TET3: variants seen among roughly 807,000 people sequenced by gnomAD.
TET3 encodes the protein tet methylcytosine dioxygenase 3.
TET3 carries 19 observed loss-of-function variants against 141.4 expected under a neutral mutation model. The ratio of observed to expected loss-of-function variants is 0.13; its 90% confidence interval spans 0.09 to 0.20. The LOEUF is 0.20. Among genes scored for constraint, TET3 ranks in the 10% least tolerant of loss-of-function variants. TET3 has a pLI of 1.00. For synonymous variants in TET3, 1,043 were observed against 980.9 expected (o/e 1.06, Z -1.18); for missense variants, 1,874 against 2,356.9 (o/e 0.80, Z 4.24).
In TET3 at chr2:74,046,346, T is replaced by TG; in HGVS notation, c.433dup (p.Asp145GlyfsTer16). ...AGATGGACTCAGGGCCAGTGTACCATGGGGACTCACGGCAGCTAAGCGCCT... is the reference window on the plus strand; with the variant it reads ...AGATGGACTCAGGGCCAGTGTACCATGGGGGACTCACGGCAGCTAAGCGCCT... On this transcript the variant is annotated frameshift_variant, in exon 4 of 12. Coordinates refer to ENST00000409262, the MANE Select transcript of TET3 (RefSeq NM_001287491.2). LOFTEE classifies it high-confidence loss of function. The surrounding 1 kb of genome is among the most constrained non-coding windows in gnomAD (Gnocchi z 4.3). 6 of 1,527,472 alleles carry TG rather than the reference T, an allele frequency of 3.9e-6. No individual in the cohort carries two copies. The highest frequency in any genetic ancestry group is 5.3e-6 in the Non-Finnish European group (6 of 1,141,052). 94.6% of individuals were successfully genotyped at this position (1,527,472 alleles called of 1,614,324 possible).
chr2:74,034,288 G>A (rs1157833041), intron 3 of TET3, among the ~76,000 whole-genome samples: 1 of 150,278 alleles, frequency 6.7e-6, no homozygotes, highest in South Asian at 2.1e-4. Flanking sequence ...CTTGACCCTA[G>A]TATTTTATAT....
Position 74,101,494 on chromosome 2 carries a change from C to T in TET3, c.4706C>T (p.Ala1569Val). The T allele has an allele frequency of 1.2e-6, 2 of 1,613,128 alleles. No homozygotes were observed. The highest frequency in any genetic ancestry group is 2.2e-5 in the East Asian group (1 of 44,838). Residue 1569 changes from alanine to valine, a missense_variant, in exon 12 of 12, where the codon GCC (alanine) becomes GTC (valine). By Grantham distance (64) the Ala-to-Val change is moderately conservative (BLOSUM62 0). Transcript: ENST00000409262. The surrounding 1 kb of genome is among the most constrained non-coding windows in gnomAD (Gnocchi z 8.5). ...AAAGGAGAGGAGGGCAGGATTCCAG[C>T]CGCAGGGGCCAGCCAGCTGGACAGG... is the stretch of plus-strand genomic sequence containing the variant. ...PMKGEEGRIP[A>V]AGASQLDRAW...
At chr2:74,058,396 A>G (rs1460936945) in intron 4 of TET3, among the ~76,000 whole-genome samples, 1 of 152,198 alleles carries the variant, frequency 6.6e-6, no homozygotes, top group East Asian at 1.9e-4. Flanking sequence ...CAAAGGTGGA[A>G]TAGAAAACAT....
intron 4 of TET3, among the ~76,000 whole-genome samples, chr2:74,059,032 A>C (rs1287133971): frequency 6.6e-6 from 1 of 152,226 alleles, no homozygotes; most frequent in East Asian, 1.9e-4. Flanking sequence ...GCAGAGCCTA[A>C]GATGTGTGCT....
intron 3 of TET3, among the ~76,000 whole-genome samples, chr2:74,024,835 T>C (rs1183517442): frequency 6.6e-6 from 1 of 152,208 alleles, no homozygotes; most frequent in African/African-American, 2.4e-5. Flanking sequence ...GTACAAAGAA[T>C]TCTCTTCACT....
At position 74,107,141 on chromosome 2, in the gene TET3, G is replaced by A; in HGVS notation, c.*4965G>A. On this transcript the variant is annotated 3_prime_UTR_variant, in exon 12 of 12. Transcript: ENST00000409262. ...GCATACCCCCAACATAAGTTACACA[G>A]TCCCACATCCAGGTGCACAGAGTGC... The A allele has an allele frequency of 6.6e-6, 1 of 152,278 alleles. No homozygotes were observed. The highest frequency in any genetic ancestry group is 2.4e-5 in the African/African-American group (1 of 41,456). 9.4% of individuals were successfully genotyped at this position (152,278 alleles called of 1,614,324 possible).
At chr2:74,068,248 T>C (rs1179690293) in intron 4 of TET3, among the ~76,000 whole-genome samples, 1 of 152,136 alleles carries the variant, frequency 6.6e-6, no homozygotes, top group East Asian at 1.9e-4. Flanking sequence ...TTGCTTTTAC[T>C]CTGCTATTCT....
chr2:74,119,017 T>G, the TET3 span, among the ~76,000 whole-genome samples: 1 of 152,226 alleles, frequency 6.6e-6, no homozygotes, highest in African/African-American at 2.4e-5. Flanking sequence ...TTGACCCTTC[T>G]TTGATCTGCA....
intron 4 of TET3, among the ~76,000 whole-genome samples, chr2:74,056,517 C>A (rs1688221955): frequency 6.6e-6 from 1 of 151,934 alleles, no homozygotes; most frequent in Non-Finnish European, 1.5e-5. Flanking sequence ...CTAGAGCTTT[C>A]TACCATGTAT....
chr2:73,994,645 T>C (rs1250115630), intron 2 of TET3, among the ~76,000 whole-genome samples: 2 of 147,448 alleles, frequency 1.4e-5, no homozygotes, highest in Non-Finnish European at 3.0e-5. Context: ...TTTCTTTTTT[T>C]TTTTTTTTTT....
At chr2:73,985,411 C>T (rs1378181202) in intron 1 of TET3, among the ~76,000 whole-genome samples, 1 of 144,088 alleles carries the variant, frequency 6.9e-6, no homozygotes, top group East Asian at 2.1e-4. Flanking sequence ...GCCCGAGCGG[C>T]GGCGCGCGCG....
rs1412469801 is a variant in TET3 at position 74,107,513 on chromosome 2, G to C, written c.*5337G>C. The C allele has an allele frequency of 6.6e-6, 1 of 152,024 alleles. No homozygotes were observed. Among genetic ancestry groups the C allele is most frequent in the Non-Finnish European group, 1.5e-5 (1 of 67,982 alleles). 9.4% of individuals were successfully genotyped at this position (152,024 alleles called of 1,614,324 possible). ...TCATGTGAACATTCCAAATTTTCTT[G>C]GTTTCAATACCCTTTTTTTTCTTTT... On this transcript the variant is annotated 3_prime_UTR_variant, in exon 12 of 12. Coordinates refer to ENST00000409262, the MANE Select transcript of TET3 (RefSeq NM_001287491.2).
rs1691226849 is a variant in TET3 at position 74,101,678 on chromosome 2, T to C, written c.4890T>C (p.Gly1630=). ...GAVKEEKGGG[G]AEEEEEELWS... The stretch of plus-strand genomic sequence containing the variant: ...TGAAGGAGGAGAAGGGCGGTGGTGG[T>C]GCGGAGGAGGAAGAGGAGGAGCTGT... Residue 1630 remains glycine (G), a synonymous_variant, in exon 12 of 12, where the codon GGT becomes GGC. Coordinates refer to ENST00000409262, the MANE Select transcript of TET3 (RefSeq NM_001287491.2). This position sits in a 1 kb window ranked among gnomAD's most constrained non-coding sequence, Gnocchi z 8.5. 1 of 1,613,158 alleles carries C rather than the reference T, an allele frequency of 6.2e-7. No individual in the cohort carries two copies. Among genetic ancestry groups the C allele is most frequent in the African/African-American group, 1.3e-5 (1 of 74,782 alleles).
At chr2:74,053,517 T>C (rs1269478307) in intron 4 of TET3, among the ~76,000 whole-genome samples, 1 of 152,342 alleles carries the variant, frequency 6.6e-6, no homozygotes, top group Non-Finnish European at 1.5e-5. Flanking sequence ...AACAGGAAGC[T>C]GCAGAGACTA....
rs143707007 is a variant in TET3, at chr2:74,018,201, A to C, written c.360+15035A>C. On this transcript the variant is annotated intron_variant, in intron 3 of 11. Transcript: ENST00000409262. Reference sequence around the variant, plus strand: ...AGGCTGTTTTCGAACTCGCGCCCTCAAGTGATCGGCCTGCCTTGGCCTCCC... The same window carrying C: ...AGGCTGTTTTCGAACTCGCGCCCTCCAGTGATCGGCCTGCCTTGGCCTCCC... 2.9e-3 allele frequency among the ~76,000 whole-genome samples: 436 copies of C among 152,168 alleles called. 2 individuals carry two copies. Among genetic ancestry groups the C allele is most frequent in the African/African-American group, 0.01 (416 of 41,526 alleles).
the TET3 span, among the ~76,000 whole-genome samples, chr2:74,120,014 A>G: frequency 6.6e-6 from 1 of 152,100 alleles, no homozygotes; most frequent in Admixed American, 6.6e-5. Context: ...TACAGGCCTG[A>G]GGTGTCAGCA....
downstream of TET3, among the ~76,000 whole-genome samples, chr2:74,108,911 A>G (rs1691638205): frequency 6.6e-6 from 1 of 152,230 alleles, no homozygotes; most frequent in Admixed American, 6.5e-5. Flanking sequence ...ATCTGAGTGA[A>G]AATACCATGA....
chr2:74,086,862 G>C (rs1345700905), intron 6 of TET3, among the ~76,000 whole-genome samples: 1 of 151,156 alleles, frequency 6.6e-6, no homozygotes, highest in African/African-American at 2.4e-5. Context: ...TCAGTGTACA[G>C]GTTGGTGGCA....
At chr2:74,022,635 AG>A in intron 3 of TET3, among the ~76,000 whole-genome samples, 1 of 152,066 alleles carries the variant, frequency 6.6e-6, no homozygotes, top group East Asian at 1.9e-4. Context: ...GCAAATTAAG[AG>A]GAATTGAGGG....
Sources: gnomAD v4.1 joint callset for allele counts (sites outside exome capture counted in the v4.1 genomes callset) on GRCh38, gnomAD v4.1.1 for gene constraint, Gnocchi (gnomAD v3.1) non-coding constraint, MANE v1.5 for transcripts, NCBI Gene and HGNC (gene_info 2026-07-23, HGNC 2026-07-21) for gene names.